GRM7: variants seen among roughly 807,000 people sequenced by gnomAD.
The protein encoded by GRM7 is glutamate metabotropic receptor 7, also known as metabotropic glutamate receptor 7.
A neutral mutation model predicts 84.5 loss-of-function variants in GRM7; 35 were observed. The ratio of observed to expected loss-of-function variants is 0.41; its 90% confidence interval spans 0.32 to 0.55. The LOEUF is 0.55. GRM7 is among the 20% of genes least tolerant of loss of function. The pLI is 0.19. For missense variants in GRM7, 1,003 were observed against 1,194.6 expected, an observed-to-expected ratio of 0.84 and a Z score of 2.36; for synonymous variants, 487 against 455.1, an observed-to-expected ratio of 1.07 and a Z score of -0.89.
intron 5 of GRM7, among the ~76,000 whole-genome samples, chr3:7,448,982 A>C (rs1361135769): frequency 6.6e-6 from 1 of 152,044 alleles, no homozygotes; most frequent in South Asian, 2.1e-4. Context: ...AAATAAGAGA[A>C]ATTTATAAAG....
intron 2 of GRM7, among the ~76,000 whole-genome samples, chr3:7,148,204 TTTTC>T (rs1238899662): frequency 6.6e-6 from 1 of 152,204 alleles, no homozygotes; most frequent in Non-Finnish European, 1.5e-5. Flanking sequence ...ATGACTATGT[TTTTC>T]TTTCTTTCTT....
At chr3:7,263,504 T>C (rs999356589) in intron 2 of GRM7, among the ~76,000 whole-genome samples, 6 of 152,000 alleles carry the variant, frequency 3.9e-5, no homozygotes, top group African/African-American at 1.4e-4. Context: ...GTGTGGGCAT[T>C]TGCAGCAGTG....
At position 6,874,196 on chromosome 3, in the gene GRM7, A is replaced by G. The variant is rs566189908; in HGVS notation, c.519+12289A>G. ...TAAAGCACTAGGCACATTGTTTGGC[A>G]TATAGCAAGTGCTCAATAAAGGTTA... On this transcript the variant is annotated intron_variant, in intron 1 of 9. Coordinates refer to ENST00000357716, the MANE Select transcript of GRM7 (RefSeq NM_000844.4). 1.2e-3 allele frequency among the ~76,000 whole-genome samples: 182 copies of G among 152,348 alleles called. 1 individual carries two copies. Among genetic ancestry groups the G allele is most frequent in the Middle Eastern group, 6.8e-3 (2 of 294 alleles).
intron 5 of GRM7, among the ~76,000 whole-genome samples, chr3:7,425,961 C>T (rs1009379268): frequency 1.3e-5 from 2 of 152,060 alleles, no homozygotes; most frequent in Non-Finnish European, 2.9e-5. Flanking sequence ...TTCTTTCTTT[C>T]CTTGGATGAG....
intron 7 of GRM7, among the ~76,000 whole-genome samples, chr3:7,478,567 C>T (rs1699012941): frequency 1.3e-5 from 2 of 152,158 alleles, no homozygotes; most frequent in South Asian, 4.1e-4. Flanking sequence ...AGTTAGGGAG[C>T]AATCAATGAG....
intron 8 of GRM7, among the ~76,000 whole-genome samples, chr3:7,581,984 G>GCCA (rs1695279765): frequency 6.6e-6 from 1 of 152,038 alleles, no homozygotes; most frequent in African/African-American, 2.4e-5. Flanking sequence ...TGAGCATCTT[G>GCCA]CCATGTGGCC....
chr3:7,317,910 C>G, intron 4 of GRM7, among the ~76,000 whole-genome samples: 1 of 151,936 alleles, frequency 6.6e-6, no homozygotes, highest in Admixed American at 6.6e-5. Flanking sequence ...AATTTAAGAT[C>G]TTGAAATACC....
At chr3:7,434,821 A>G (rs1219233852) in intron 5 of GRM7, among the ~76,000 whole-genome samples, 1 of 152,156 alleles carries the variant, frequency 6.6e-6, no homozygotes, top group Non-Finnish European at 1.5e-5. Flanking sequence ...GAGTTAGAAA[A>G]TGTCCCCACC....
intron 7 of GRM7, among the ~76,000 whole-genome samples, chr3:7,503,981 T>C (rs2124968587): frequency 6.6e-6 from 1 of 152,286 alleles, no homozygotes; most frequent in South Asian, 2.1e-4. Context: ...GATGCACTTT[T>C]ATAGAATACC....
chr3:7,700,200 G>A (rs1045189768), intron 9 of GRM7, among the ~76,000 whole-genome samples: 1 of 152,078 alleles, frequency 6.6e-6, no homozygotes, highest in Non-Finnish European at 1.5e-5. Context: ...GCACATCCCC[G>A]CGACTCAGTG....
intron 4 of GRM7, among the ~76,000 whole-genome samples, chr3:7,364,979 T>C (rs1413163893): frequency 6.6e-6 from 1 of 151,866 alleles, no homozygotes; most frequent in Non-Finnish European, 1.5e-5. Flanking sequence ...TCAATAAGGA[T>C]ACATAGGTGG....
At chr3:7,066,299 A>G (rs1338037142) in intron 1 of GRM7, among the ~76,000 whole-genome samples, 1 of 151,982 alleles carries the variant, frequency 6.6e-6, no homozygotes, top group Non-Finnish European at 1.5e-5. Flanking sequence ...AGAAAAGAAG[A>G]GAGAAAATCC....
chr3:7,446,450 GTTTTTTTTTTTTTGT>G (rs1326861068), intron 5 of GRM7, among the ~76,000 whole-genome samples: 13 of 108,020 alleles, frequency 1.2e-4, no homozygotes, highest in East Asian at 4.9e-4. Context: ...TTTTGGTCTT[GTTTTTTTTTTTTTGT>G]TTTTTTTTTT....
intron 1 of GRM7, among the ~76,000 whole-genome samples, chr3:7,058,689 C>T (rs1012990486): frequency 4.3e-4 from 66 of 151,790 alleles, no homozygotes; most frequent in African/African-American, 1.6e-3. Flanking sequence ...GTACACTCGC[C>T]AGCTGTTTTG....
intron 9 of GRM7, among the ~76,000 whole-genome samples, chr3:7,733,056 C>T (rs1702384459): frequency 6.6e-6 from 1 of 152,160 alleles, no homozygotes; most frequent in Non-Finnish European, 1.5e-5. Context: ...CCAGAGGTCA[C>T]TTTCATCACT....
chr3:7,566,624 CTATT>C (rs1694285547), intron 7 of GRM7, among the ~76,000 whole-genome samples: 1 of 150,210 alleles, frequency 6.7e-6, no homozygotes, highest in Non-Finnish European at 1.5e-5. Context: ...ACTGGCAGAA[CTATT>C]TCAGAAATGG....
chr3:7,553,330 C>G (rs970210749), intron 7 of GRM7, among the ~76,000 whole-genome samples: 3 of 152,302 alleles, frequency 2.0e-5, no homozygotes, highest in East Asian at 1.9e-4. Context: ...CTAGGAAGTT[C>G]CAAACTTTCC....
intron 2 of GRM7, among the ~76,000 whole-genome samples, chr3:7,275,747 C>T (rs775045563): frequency 2.6e-5 from 4 of 152,100 alleles, no homozygotes. Context: ...GTTCCTTTCC[C>T]CCACTCCCAG....
At chr3:7,346,396 A>G (rs1404655677) in intron 4 of GRM7, among the ~76,000 whole-genome samples, 1 of 152,168 alleles carries the variant, frequency 6.6e-6, no homozygotes, top group Non-Finnish European at 1.5e-5. Context: ...TACAAAGCTG[A>G]TGGCATGAAT....
Sources: allele counts gnomAD v4.1 joint callset (sites outside exome capture counted in the v4.1 genomes callset), GRCh38; gene constraint gnomAD v4.1.1; transcripts MANE v1.5; gene names NCBI Gene and HGNC (gene_info 2026-07-23, HGNC 2026-07-21).